REDIC1: variants seen among roughly 807,000 people sequenced by gnomAD.
REDIC1 encodes the protein regulator of DNA class I crossover intermediates 1.
the REDIC1 span, among the ~76,000 whole-genome samples, chr12:39,742,531 G>A: frequency 6.6e-6 from 1 of 152,122 alleles, no homozygotes; most frequent in Non-Finnish European, 1.5e-5. Context: ...AAGGTGAGCT[G>A]TCTTGGAGCT....
the REDIC1 span, among the ~76,000 whole-genome samples, chr12:39,846,669 C>T: frequency 1.3e-5 from 2 of 152,104 alleles, no homozygotes; most frequent in African/African-American, 2.4e-5. Flanking sequence ...CCAGGCTGCT[C>T]TTGAACTCCT....
At chr12:39,701,971 C>T in the REDIC1 span, among the ~76,000 whole-genome samples, 1 of 151,888 alleles carries the variant, frequency 6.6e-6, no homozygotes, top group Admixed American at 6.6e-5. Flanking sequence ...GCACTAAATG[C>T]CCACAAGAGA....
the REDIC1 span, among the ~76,000 whole-genome samples, chr12:39,858,918 T>A: frequency 6.6e-6 from 1 of 152,146 alleles, no homozygotes; most frequent in Admixed American, 6.5e-5. Flanking sequence ...TTTTACACAT[T>A]TCTAAGGTTG....
the REDIC1 span, among the ~76,000 whole-genome samples, chr12:39,845,844 G>A: frequency 1.2e-4 from 19 of 152,108 alleles, no homozygotes; most frequent in Non-Finnish European, 2.2e-4. Flanking sequence ...ACCAATGTTA[G>A]CACACAGTGG....
the REDIC1 span, among the ~76,000 whole-genome samples, chr12:39,849,947 T>C: frequency 6.6e-6 from 1 of 152,194 alleles, no homozygotes; most frequent in Non-Finnish European, 1.5e-5. Context: ...TATTAGTGTA[T>C]ATAATTTTAC....
the REDIC1 span, among the ~76,000 whole-genome samples, chr12:39,705,326 C>A: frequency 1.3e-5 from 2 of 151,970 alleles, no homozygotes; most frequent in Non-Finnish European, 2.9e-5. Context: ...AATAAAAAGT[C>A]TCCCAGGAAA....
the REDIC1 span, chr12:39,626,346 G>A: frequency 6.2e-7 from 1 of 1,614,142 alleles, no homozygotes; most frequent in African/African-American, 1.3e-5. Context: ...GATGAATTGG[G>A]TCGGGGGGTC....
At chr12:39,715,379 G>T in the REDIC1 span, among the ~76,000 whole-genome samples, 1 of 151,724 alleles carries the variant, frequency 6.6e-6, no homozygotes, top group Non-Finnish European at 1.5e-5. Flanking sequence ...GTAAATATTT[G>T]GGTTTATTTC....
At chr12:39,818,862 C>T in the REDIC1 span, among the ~76,000 whole-genome samples, 2 of 152,050 alleles carry the variant, frequency 1.3e-5, no homozygotes, top group East Asian at 3.8e-4. Context: ...AAAATATTGA[C>T]TTAACTCTGA....
At chr12:39,901,957 G>C in the REDIC1 span, among the ~76,000 whole-genome samples, 2 of 152,034 alleles carry the variant, frequency 1.3e-5, no homozygotes, top group Non-Finnish European at 2.9e-5. Flanking sequence ...GTCCATCAAT[G>C]ATAGACTGGA....
the REDIC1 span, among the ~76,000 whole-genome samples, chr12:39,629,889 C>T: frequency 6.6e-6 from 1 of 151,496 alleles, no homozygotes; most frequent in Non-Finnish European, 1.5e-5. Context: ...GAAGTTATAT[C>T]CTTGTTAAAT....
chr12:39,780,759 T>C, the REDIC1 span, among the ~76,000 whole-genome samples: 1 of 152,224 alleles, frequency 6.6e-6, no homozygotes, highest in African/African-American at 2.4e-5. Context: ...TGTTAGGCAG[T>C]CTTTTAATAA....
the REDIC1 span, among the ~76,000 whole-genome samples, chr12:39,808,821 G>T: frequency 6.6e-6 from 1 of 151,988 alleles, no homozygotes; most frequent in African/African-American, 2.4e-5. Flanking sequence ...TAATTCCTTT[G>T]TTAGATATAC....
At chr12:39,723,379 C>T in the REDIC1 span, among the ~76,000 whole-genome samples, 4 of 152,152 alleles carry the variant, frequency 2.6e-5, no homozygotes, top group South Asian at 8.3e-4. Context: ...TCCCTAACTT[C>T]ACAGTTGCTA....
the REDIC1 span, among the ~76,000 whole-genome samples, chr12:39,749,936 T>G: frequency 6.6e-6 from 1 of 152,150 alleles, no homozygotes; most frequent in Admixed American, 6.6e-5. Flanking sequence ...TGAGAGCTAT[T>G]TATGACAGAC....
At chr12:39,712,551 A>G in the REDIC1 span, among the ~76,000 whole-genome samples, 1 of 141,956 alleles carries the variant, frequency 7.0e-6, no homozygotes, top group African/African-American at 2.6e-5. Flanking sequence ...TATATACACG[A>G]CATATGTGTA....
the REDIC1 span, among the ~76,000 whole-genome samples, chr12:39,845,423 T>G: frequency 3.9e-5 from 6 of 152,276 alleles, no homozygotes; most frequent in African/African-American, 1.4e-4. Context: ...TATCATATTA[T>G]AAGTGTTTCA....
At chr12:39,691,869 A>G in the REDIC1 span, among the ~76,000 whole-genome samples, 2 of 152,044 alleles carry the variant, frequency 1.3e-5, no homozygotes. Context: ...ACGAATTTAA[A>G]TTTCATTTTA....
the REDIC1 span, among the ~76,000 whole-genome samples, chr12:39,843,971 G>A: frequency 6.6e-6 from 1 of 151,844 alleles, no homozygotes; most frequent in Non-Finnish European, 1.5e-5. Context: ...CATTATATTG[G>A]TGACACACTC....
Sources: allele counts gnomAD v4.1 joint callset (sites outside exome capture counted in the v4.1 genomes callset), GRCh38; gene constraint gnomAD v4.1.1; transcripts MANE v1.5; gene names NCBI Gene and HGNC (gene_info 2026-07-23, HGNC 2026-07-21).